The following CYRIB variants were observed in gnomAD, a reference collection of about 807,000 sequenced individuals.
The protein encoded by CYRIB is CYFIP related Rac1 interactor B.
In CYRIB, 8 loss-of-function variants were observed where a neutral mutation model predicts 44.2. The observed-to-expected ratio is 0.18, with a 90% CI of 0.11 to 0.33. CYRIB has a LOEUF of 0.33. Among genes scored for constraint, CYRIB ranks in the 10% least tolerant of loss-of-function variants. The pLI, the probability that CYRIB is intolerant of heterozygous loss-of-function variation, is 1.00. For missense variants in CYRIB, 185 were observed against 382.8 expected (o/e 0.48, Z 4.31); for synonymous variants, 131 against 127.2 (o/e 1.03, Z -0.20).
intron 11 of CYRIB, among the ~76,000 whole-genome samples, chr8:129,846,450 T>C (rs957413900): frequency 1.3e-5 from 2 of 152,226 alleles, no homozygotes; most frequent in African/African-American, 4.8e-5. Flanking sequence ...ATTACATTAT[T>C]TCTTTTTATT....
intron 1 of CYRIB, among the ~76,000 whole-genome samples, chr8:129,925,098 T>C (rs1271707707): frequency 6.6e-6 from 1 of 152,136 alleles, no homozygotes; most frequent in African/African-American, 2.4e-5. Context: ...GACACTTTCA[T>C]GACTCAAAAA....
intron 10 of CYRIB, among the ~76,000 whole-genome samples, chr8:129,847,832 C>T (rs1205188480): frequency 1.3e-5 from 2 of 152,150 alleles, no homozygotes; most frequent in Non-Finnish European, 2.9e-5. Context: ...GATGGAGTCT[C>T]GCTCTGTCAC....
chr8:129,873,352 C>T (rs1311347284), intron 3 of CYRIB, among the ~76,000 whole-genome samples: 1 of 151,912 alleles, frequency 6.6e-6, no homozygotes, highest in Admixed American at 6.6e-5. Context: ...TCAAGCTTTG[C>T]TATTTAGCAG....
At chr8:129,867,578 T>A (rs1214522243) in intron 4 of CYRIB, among the ~76,000 whole-genome samples, 1 of 151,724 alleles carries the variant, frequency 6.6e-6, no homozygotes, top group African/African-American at 2.4e-5. Context: ...TTATTCTATT[T>A]AATAATGTTT....
chr8:129,961,253 G>T (rs2095246408), intron 2 of CYRIB, among the ~76,000 whole-genome samples: 1 of 152,216 alleles, frequency 6.6e-6, no homozygotes, highest in South Asian at 2.1e-4. Flanking sequence ...CCCCTGTTCA[G>T]CTAACCCTAC....
At chr8:129,925,975 T>C (rs1248628954) in intron 1 of CYRIB, among the ~76,000 whole-genome samples, 1 of 152,198 alleles carries the variant, frequency 6.6e-6, no homozygotes, top group Non-Finnish European at 1.5e-5. Context: ...CTTCCAACTT[T>C]CTGAATGAAA....
At chr8:129,843,496 T>C (rs192049014) in intron 11 of CYRIB, among the ~76,000 whole-genome samples, 134 of 152,380 alleles carry the variant, frequency 8.8e-4, no homozygotes, top group Middle Eastern at 3.4e-3. Context: ...AATGCGTGAA[T>C]GTGGACTGTA....
intron 1 of CYRIB, among the ~76,000 whole-genome samples, chr8:129,986,981 C>T (rs1245453162): frequency 1.3e-5 from 2 of 152,184 alleles, no homozygotes; most frequent in African/African-American, 4.8e-5. Flanking sequence ...AACCAATAGA[C>T]GGCTCAAATG....
Position 129,967,622 on chromosome 8 carries a change from G to A in CYRIB, c.-243+3321C>T, listed in dbSNP as rs545111675. Among the ~76,000 whole-genome samples, 408 of 151,762 alleles carry A rather than the reference G, an allele frequency of 2.7e-3. 1 individual carries two copies. The highest frequency in any genetic ancestry group is 5.0e-3 in the Non-Finnish European group (342 of 67,904). The stretch of plus-strand genomic sequence containing the variant: ...TCTCGATCTCCTGACCTCATGATCC[G>A]CCTGCCTCAGCCTCCCAAAGTGCTG... On this transcript the variant is annotated intron_variant, in intron 2 of 14. Coordinates refer to the CYRIB transcript ENST00000401979.
chr8:129,998,414 G>A (rs1564732259), intron 1 of CYRIB, among the ~76,000 whole-genome samples: 1 of 152,194 alleles, frequency 6.6e-6, no homozygotes, highest in Non-Finnish European at 1.5e-5. Context: ...ACTTTGCAGA[G>A]ATCAAAGAGA....
chr8:129,951,625 G>A (rs752500266), intron 2 of CYRIB, among the ~76,000 whole-genome samples: 6 of 151,332 alleles, frequency 4.0e-5, no homozygotes, highest in Admixed American at 6.6e-5. Flanking sequence ...AGAATTGCTT[G>A]AACACGGGAG....
chr8:129,914,977 A>G (rs1392685677), intron 1 of CYRIB, among the ~76,000 whole-genome samples: 1 of 152,162 alleles, frequency 6.6e-6, no homozygotes, highest in Non-Finnish European at 1.5e-5. Context: ...GGCACTAGAG[A>G]AATACAAACT....
chr8:129,855,533 G>T, intron 6 of CYRIB, 78 bp downstream of exon 8: 1 of 1,448,540 alleles, frequency 6.9e-7, no homozygotes, highest in Non-Finnish European at 9.6e-7. Flanking sequence ...TTTTAACAAT[G>T]TTTCCCGGCT....
intron 1 of CYRIB, among the ~76,000 whole-genome samples, chr8:129,988,654 A>G (rs916589079): frequency 6.6e-6 from 1 of 152,104 alleles, no homozygotes; most frequent in African/African-American, 2.4e-5. Context: ...GGACCTCATA[A>G]ACATAGCTTC....
chr8:129,911,233 T>C (rs1324439582), intron 1 of CYRIB, among the ~76,000 whole-genome samples: 1 of 152,158 alleles, frequency 6.6e-6, no homozygotes, highest in African/African-American at 2.4e-5. Flanking sequence ...GTGAACCTAA[T>C]AGGTTAAAAT....
At chr8:129,882,377 ACT>A (rs1316794362) in intron 2 of CYRIB, among the ~76,000 whole-genome samples, 19 of 152,198 alleles carry the variant, frequency 1.2e-4, no homozygotes, top group Non-Finnish European at 2.1e-4. Context: ...TTAAGCACTG[ACT>A]CAGTGTCTGG....
At chr8:129,967,654 C>T (rs2095539060) in intron 2 of CYRIB, among the ~76,000 whole-genome samples, 1 of 152,180 alleles carries the variant, frequency 6.6e-6, no homozygotes, top group Non-Finnish European at 1.5e-5. Flanking sequence ...GCTGGGATTA[C>T]AGGCGTGAGC....
intron 4 of CYRIB, chr8:129,864,494 C>A: frequency 6.0e-6 from 1 of 167,026 alleles, no homozygotes; most frequent in Non-Finnish European, 1.3e-5. Flanking sequence ...ACACACAAGT[C>A]CATCCAGGAG....
chr8:129,948,246 T>C (rs1241395631), intron 2 of CYRIB, among the ~76,000 whole-genome samples: 3 of 152,184 alleles, frequency 2.0e-5, no homozygotes, highest in East Asian at 1.9e-4. Flanking sequence ...AAGATTTGAA[T>C]AGGGAGAAGA....
Sources: allele counts gnomAD v4.1 joint callset (sites outside exome capture counted in the v4.1 genomes callset), GRCh38; gene constraint gnomAD v4.1.1; transcripts MANE v1.5; gene names NCBI Gene and HGNC (gene_info 2026-07-23, HGNC 2026-07-21).